AHNAK: variants seen among roughly 807,000 people sequenced by gnomAD.
AHNAK encodes the protein neuroblast differentiation-associated protein AHNAK.
Under a neutral mutation model 37.8 loss-of-function variants are expected in AHNAK, and 23 were observed. That is an observed-to-expected ratio of 0.61 (90% CI 0.44 to 0.86). AHNAK has a LOEUF of 0.86. AHNAK is among the 40% of genes least tolerant of loss of function. The pLI is 0.00. For missense variants in AHNAK, 7,411 were observed against 7,319.4 expected, an observed-to-expected ratio of 1.01 and a Z score of -0.46; for synonymous variants, 2,481 against 2,636.3, an observed-to-expected ratio of 0.94 and a Z score of 1.80.
intron 5 of AHNAK, among the ~76,000 whole-genome samples, chr11:62,466,598 G>T (rs572710509): frequency 1.2e-4 from 18 of 150,454 alleles, no homozygotes; most frequent in Non-Finnish European, 2.5e-4. Context: ...TCTCACCCCT[G>T]CCTCCTACAT....
intron 5 of AHNAK, among the ~76,000 whole-genome samples, chr11:62,486,977 A>G (rs968231258): frequency 1.3e-5 from 2 of 152,186 alleles, no homozygotes; most frequent in African/African-American, 4.8e-5. Flanking sequence ...CAGACTCCAA[A>G]TAGACGCCTA....
chr11:62,444,724 G>A (rs1344968892), intron 5 of AHNAK, among the ~76,000 whole-genome samples: 1 of 152,180 alleles, frequency 6.6e-6, no homozygotes, highest in Non-Finnish European at 1.5e-5. Flanking sequence ...CTCCGGGTGC[G>A]TCAGCTGATT....
At chr11:62,541,280 G>C (rs1253672628) in intron 1 of AHNAK, among the ~76,000 whole-genome samples, 1 of 152,194 alleles carries the variant, frequency 6.6e-6, no homozygotes, top group Admixed American at 6.5e-5. Context: ...GCAACCCTCC[G>C]AGGGGAAGAA....
intron 5 of AHNAK, among the ~76,000 whole-genome samples, chr11:62,443,502 C>T (rs1250494100): frequency 6.6e-6 from 1 of 150,840 alleles, no homozygotes; most frequent in Admixed American, 6.6e-5. Flanking sequence ...GAACTCCCAA[C>T]CTCAGGTGAT....
chr11:62,501,122 G>A (rs1291803971), intron 4 of AHNAK, among the ~76,000 whole-genome samples: 1 of 152,028 alleles, frequency 6.6e-6, no homozygotes, highest in East Asian at 1.9e-4. Flanking sequence ...TGAGGTGGGA[G>A]GATTTCTTGA....
At chr11:62,452,210 G>A (rs1205761787) in intron 5 of AHNAK, among the ~76,000 whole-genome samples, 1 of 152,188 alleles carries the variant, frequency 6.6e-6, no homozygotes, top group African/African-American at 2.4e-5. Flanking sequence ...CTTCCTTTAT[G>A]TCAGGCAGTT....
At chr11:62,509,934 G>T (rs1024149637) in intron 4 of AHNAK, among the ~76,000 whole-genome samples, 1 of 151,816 alleles carries the variant, frequency 6.6e-6, no homozygotes, top group Non-Finnish European at 1.5e-5. Context: ...AACAAAAAAA[G>T]ACATTACTGT....
chr11:62,534,005 C>T lies in AHNAK; in HGVS notation c.412G>A (p.Gly138Arg), dbSNP rs1198622044. The T allele has an allele frequency of 6.3e-7, 1 of 1,595,484 alleles. No individual in the cohort carries two copies. The highest frequency in any genetic ancestry group is 8.6e-7 in the Non-Finnish European group (1 of 1,169,128). The change falls in exon 5 of 5, where the codon GGA (glycine) becomes AGA (arginine). Residue 138 changes from glycine to arginine, a missense_variant. Transcript: ENST00000378024. ...KIKPRLKSED[G>R]VEGDLGETQS... ...GTCTCCCCGAGGTCTCCTTCCACTC[C>T]ATCTTCCGACTTCAGCCGTGGCTTG... is the stretch of plus-strand genomic sequence containing the variant.
rs568854946 is a variant in AHNAK, at chr11:62,525,885, G to T, written c.8532C>A (p.Leu2844=). ...CATCTCCTTTTATTTTTGGACCTGT[G>T]AGATTCAGGTCAATATCTGGCATGG... ...KISMPDIDLN[L]TGPKIKGDVD... The change falls in exon 5 of 5, where the codon CTC becomes CTA. Residue 2844 remains leucine, a synonymous_variant. Coordinates refer to ENST00000378024, the MANE Select transcript of AHNAK (RefSeq NM_001620.3). 1 of 1,614,086 alleles carries T rather than the reference G, an allele frequency of 6.2e-7. No homozygotes were observed. Among genetic ancestry groups the T allele is most frequent in the East Asian group, 2.2e-5 (1 of 44,866 alleles).
chr11:62,496,665 C>T (rs1283889534), intron 4 of AHNAK, among the ~76,000 whole-genome samples: 2 of 151,920 alleles, frequency 1.3e-5, no homozygotes, highest in Non-Finnish European at 2.9e-5. Flanking sequence ...CGTGGTGGCG[C>T]GTGCCTGTAG....
chr11:62,533,141 C>T lies in AHNAK; in HGVS notation c.1276G>A (p.Gly426Arg). The T allele has an allele frequency of 6.4e-7, 1 of 1,553,540 alleles. No individual in the cohort carries two copies. The highest frequency in any genetic ancestry group is 8.7e-7 in the Non-Finnish European group (1 of 1,155,476). The change falls in exon 5 of 5, where the codon GGG becomes AGG. Residue 426 changes from glycine (G) to arginine (R), a missense_variant. Coordinates refer to ENST00000378024, the MANE Select transcript of AHNAK (RefSeq NM_001620.3). ...ATCTTGGGCACATTCAGTTTGCTCC[C>T]AGGCCCCTGAACATCAATGTCAGGG... ...QAPDIDVQGP[G>R]SKLNVPKMKV...
In AHNAK at chr11:62,529,850, A is replaced by G. The variant is rs572941399; in HGVS notation, c.4567T>C (p.Phe1523Leu). The G allele has an allele frequency of 6.2e-7, 1 of 1,613,914 alleles. No homozygotes were observed. Among genetic ancestry groups the G allele is most frequent in the South Asian group, 1.1e-5 (1 of 91,066 alleles). Residue 1523 changes from phenylalanine (F) to leucine (L), a missense_variant, in exon 5 of 5, where the codon TTT becomes CTT. By Grantham distance (22) the Phe-to-Leu change is conservative. Transcript: ENST00000378024. ...VKMPKFSMPG[F>L]KGEGPEVDMN... ...TCCACCTCTGGGCCCTCTCCTTTAA[A>G]GCCAGGCATGCTGAACTTGGGCATT... is the stretch of plus-strand genomic sequence containing the variant.
intron 4 of AHNAK, among the ~76,000 whole-genome samples, chr11:62,503,600 A>G (rs903607117): frequency 1.3e-5 from 2 of 151,980 alleles, no homozygotes; most frequent in African/African-American, 2.4e-5. Flanking sequence ...AAAAAGAAAA[A>G]GAAAAAAAAA....
intron 4 of AHNAK, among the ~76,000 whole-genome samples, chr11:62,501,820 G>C (rs1939717615): frequency 6.6e-6 from 1 of 152,214 alleles, no homozygotes; most frequent in Admixed American, 6.5e-5. Flanking sequence ...CAGGCAGGGG[G>C]CATGGGGCAG....
Position 62,518,115 on chromosome 11 carries a change from C to G in AHNAK, c.16302G>C (p.Lys5434Asn). 6.2e-7 allele frequency: 1 copy of G among 1,614,214 alleles called. No homozygotes were observed. Among genetic ancestry groups the G allele is most frequent in the Non-Finnish European group, 8.5e-7 (1 of 1,180,032 alleles). The change falls in exon 5 of 5, where the codon AAG becomes AAC. Residue 5434 changes from lysine to asparagine, a missense_variant. Transcript: ENST00000378024. ...AKGPQVSGEL[K>N]GPGVDVNLKG... ...TCAGGTTCACATCCACACCTGGCCC[C>G]TTCAGTTCGCCAGAAACCTGTGGCC...
At chr11:62,509,099 C>A (rs1939863429) in intron 4 of AHNAK, among the ~76,000 whole-genome samples, 1 of 152,078 alleles carries the variant, frequency 6.6e-6, no homozygotes, top group African/African-American at 2.4e-5. Context: ...CAAAAAGGAC[C>A]CAATATCACT....
At chr11:62,506,257 G>T (rs1036543743) in intron 4 of AHNAK, among the ~76,000 whole-genome samples, 1 of 149,892 alleles carries the variant, frequency 6.7e-6, no homozygotes, top group South Asian at 2.1e-4. Flanking sequence ...AAAAAAAAAA[G>T]AGCCAGTGGT....
At chr11:62,492,288 G>A (rs1364496957) in intron 4 of AHNAK, among the ~76,000 whole-genome samples, 1 of 152,184 alleles carries the variant, frequency 6.6e-6, no homozygotes, top group Non-Finnish European at 1.5e-5. Context: ...ACAGCATTAA[G>A]CTGGATACTG....
chr11:62,489,677 G>A (rs1276873746), intron 5 of AHNAK, among the ~76,000 whole-genome samples: 1 of 152,106 alleles, frequency 6.6e-6, no homozygotes, highest in Non-Finnish European at 1.5e-5. Context: ...GAGAGGGGGA[G>A]TGGAGGGGAG....
Sources: allele counts gnomAD v4.1 joint callset (sites outside exome capture counted in the v4.1 genomes callset), GRCh38; gene constraint gnomAD v4.1.1; transcripts MANE v1.5; gene names NCBI Gene and HGNC (gene_info 2026-07-23, HGNC 2026-07-21).